Variants in RDX observed in about 807,000 individuals in gnomAD.
RDX encodes the protein radixin.
A neutral mutation model predicts 83.7 loss-of-function variants in RDX; 32 were observed. The ratio of observed to expected loss-of-function variants is 0.38; its 90% CI spans 0.29 to 0.51. The LOEUF (loss-of-function observed/expected upper bound fraction) is 0.51. Among genes scored for constraint, RDX ranks in the 20% least tolerant of loss-of-function variants. The pLI, the probability that RDX is intolerant of heterozygous loss-of-function variation, is 0.87. For missense variants in RDX, 600 were observed against 689.9 expected (o/e 0.87, Z 1.46); for synonymous variants, 229 against 222.7 (o/e 1.03, Z -0.25).
chr11:110,240,460 T>C (rs1202044897), intron 10 of RDX, among the ~76,000 whole-genome samples: 2 of 151,812 alleles, frequency 1.3e-5, no homozygotes, highest in African/African-American at 4.8e-5. Context: ...ACGGTAAAAA[T>C]AGGCCGGGCG....
Position 110,189,243 on chromosome 11 carries a change from T to TAAAAAAAAAAAAAAAAA in RDX, c.*31+10321_*31+10337dup, listed in dbSNP as rs35450797. 1.3e-3 allele frequency among the ~76,000 whole-genome samples: 48 copies of TAAAAAAAAAAAAAAAAA among 35,586 alleles called. 3 individuals carry two copies. Among genetic ancestry groups the TAAAAAAAAAAAAAAAAA allele is most frequent in the Non-Finnish European group, 1.7e-3 (27 of 15,746 alleles). The allele number at this position is 35,586 out of a possible 152,430, so 23.3% of individuals were successfully genotyped here. On this transcript the variant is annotated intron_variant, in intron 15 of 15. Coordinates refer to the RDX transcript ENST00000528498. ...AAACAAACTTTAAATGAACAACAGG[T>TAAAAAAAAAAAAAAAAA]AAAAAAAAAAAAAAAAAAAAAAAAA...
At chr11:110,226,240 A>G (rs1246848540), downstream of RDX, among the ~76,000 whole-genome samples, 1 of 152,234 alleles carries the variant, frequency 6.6e-6, no homozygotes, top group Non-Finnish European at 1.5e-5. Context: ...GCGTCCATCA[A>G]TAACAGATAA....
At chr11:110,198,609 G>A (rs1269086990) in intron 15 of RDX, among the ~76,000 whole-genome samples, 1 of 152,090 alleles carries the variant, frequency 6.6e-6, no homozygotes, top group African/African-American at 2.4e-5. Flanking sequence ...AGGGTTCCAC[G>A]TTGCACGCTC....
At chr11:110,281,933 T>A in intron 1 of RDX, among the ~76,000 whole-genome samples, 1 of 103,120 alleles carries the variant, frequency 9.7e-6, no homozygotes. Context: ...AAACCCCATC[T>A]CTATCAAAAA....
At chr11:110,284,275 CTAAA>C (rs1860887872) in intron 1 of RDX, among the ~76,000 whole-genome samples, 2 of 152,114 alleles carry the variant, frequency 1.3e-5, no homozygotes, top group African/African-American at 4.8e-5. Flanking sequence ...TCCCCCCAAA[CTAAA>C]TATAAAAGAA....
intron 1 of RDX, among the ~76,000 whole-genome samples, chr11:110,291,256 T>C (rs1186103606): frequency 6.6e-6 from 1 of 152,062 alleles, no homozygotes; most frequent in East Asian, 1.9e-4. Flanking sequence ...GCCCCGGAGT[T>C]CAAAGCCCTG....
chr11:110,216,546 T>C (rs1168750803), intron 14 of RDX, among the ~76,000 whole-genome samples: 3 of 150,344 alleles, frequency 2.0e-5, no homozygotes, highest in Non-Finnish European at 4.4e-5. Flanking sequence ...TTTTTCTTTT[T>C]TTTTTTTTTT....
chr11:110,222,922 A>G (rs1321708449), intron 14 of RDX, among the ~76,000 whole-genome samples: 3 of 152,256 alleles, frequency 2.0e-5, no homozygotes, highest in Non-Finnish European at 4.4e-5. Context: ...TAACCAACCT[A>G]AAGGTTTTAA....
chr11:110,187,617 C>G (rs114337600), intron 15 of RDX, among the ~76,000 whole-genome samples: 2,536 of 152,326 alleles, frequency 0.017, 88 homozygotes, highest in African/African-American at 0.056. Flanking sequence ...CAGCTCCATA[C>G]CTAGGCACAC....
chr11:110,202,595 CTTTTTTTT>C (rs58793509), intron 14 of RDX, among the ~76,000 whole-genome samples: 4 of 121,304 alleles, frequency 3.3e-5, no homozygotes, highest in Non-Finnish European at 5.3e-5. Flanking sequence ...ATTTTTCTTT[CTTTTTTTT>C]TTTTTTTTTT....
At chr11:110,237,149 A>G (rs899040655) in intron 11 of RDX, among the ~76,000 whole-genome samples, 27 of 146,822 alleles carry the variant, frequency 1.8e-4, no homozygotes, top group African/African-American at 6.8e-4. Context: ...ACATATATCT[A>G]TATTATATAA....
intron 1 of RDX, among the ~76,000 whole-genome samples, chr11:110,295,642 G>GAAAAA (rs370760081): frequency 0.016 from 1,980 of 122,104 alleles, 42 homozygotes; most frequent in African/African-American, 0.058. Flanking sequence ...TGTTTAAACT[G>GAAAAA]AAAAAAAAAA....
chr11:110,189,356 T>C (rs1293082836), intron 15 of RDX, among the ~76,000 whole-genome samples: 1 of 148,742 alleles, frequency 6.7e-6, no homozygotes, highest in Non-Finnish European at 1.5e-5. Flanking sequence ...CATTGGAGCA[T>C]CCAGCTTAAT....
chr11:110,267,557 CACACACACAA>C (rs1488719716), intron 3 of RDX, among the ~76,000 whole-genome samples: 2 of 148,048 alleles, frequency 1.4e-5, no homozygotes, highest in African/African-American at 5.1e-5. Context: ...CACACACACA[CACACACACAA>C]ATAATCTTAA....
rs1188215593 is a variant in RDX, at chr11:110,264,050, G to A, written c.377C>T (p.Ala126Val). The change falls in exon 5 of 14, where the codon GCT (alanine) becomes GTT (valine). Residue 126 changes from alanine (A) to valine (V), a missense_variant. Physicochemically the swap from Ala to Val is moderately conservative, Grantham distance 64. Transcript: ENST00000645495. The stretch of plus-strand genomic sequence containing the variant: ...ATACTTGGCTTGGACAGCATAGGAA[G>A]CCAAAAGAACTGCAGTTTCTGGCGG... The part of the protein sequence containing the change: ...YCPPETAVLL[A>V]SYAVQAKYGD... The A allele has an allele frequency of 6.2e-7, 1 of 1,613,596 alleles. No individual in the cohort carries two copies. Among genetic ancestry groups the A allele is most frequent in the Admixed American group, 1.7e-5 (1 of 59,980 alleles).
chr11:110,190,047 C>T (rs755978436), intron 15 of RDX, among the ~76,000 whole-genome samples: 1 of 151,998 alleles, frequency 6.6e-6, no homozygotes, highest in African/African-American at 2.4e-5. Context: ...CGTGCCATTG[C>T]ACTCCAGCCT....
chr11:110,203,827 ACT>A (rs1178884263), intron 14 of RDX, among the ~76,000 whole-genome samples: 3 of 152,098 alleles, frequency 2.0e-5, no homozygotes, highest in East Asian at 3.8e-4. Flanking sequence ...AAAAGAAAAA[ACT>A]CTTAGAAAAA....
chr11:110,231,060 C>A lies in RDX; in HGVS notation c.*809G>T, dbSNP rs1047381003. On this transcript the variant is annotated 3_prime_UTR_variant, in exon 14 of 14. Transcript: ENST00000645495. ...TATAAAAGAACAAAACTTTTAAAAT[C>A]TTGCAGAGGCTGTTTCATCAGTAAA... 2.0e-5 allele frequency: 3 copies of A among 152,474 alleles called. No homozygotes were observed. The highest frequency in any genetic ancestry group is 7.2e-5 in the African/African-American group (3 of 41,402). The allele number at this position is 152,474 out of a possible 1,614,324, so 9.4% of individuals were successfully genotyped here.
intron 14 of RDX, among the ~76,000 whole-genome samples, chr11:110,211,376 T>C (rs544124532): frequency 1.1e-4 from 17 of 151,228 alleles, no homozygotes; most frequent in Non-Finnish European, 2.1e-4. Flanking sequence ...CTCCCACACA[T>C]TAATAATGGG....
Sources: gnomAD v4.1 joint callset for allele counts (sites outside exome capture counted in the v4.1 genomes callset) on GRCh38, gnomAD v4.1.1 for gene constraint, MANE v1.5 for transcripts, NCBI Gene and HGNC (gene_info 2026-07-23, HGNC 2026-07-21) for gene names.